Variants in LYRM4 observed in about 807,000 individuals in gnomAD.
The protein encoded by LYRM4 is LYR motif-containing protein 4.
LYRM4 carries 9 observed loss-of-function variants against 11.7 expected under a neutral mutation model. That is an observed-to-expected ratio of 0.77 (90% CI 0.46 to 1.34). The LOEUF (loss-of-function observed/expected upper bound fraction) is 1.34. Ranked by LOEUF, LYRM4 falls within the 40% of genes most tolerant of loss-of-function variation. LYRM4 has a pLI of 0.00. For missense variants in LYRM4, 133 were observed against 112.5 expected (o/e 1.18, Z -0.82); for synonymous variants, 42 against 40.4 (o/e 1.04, Z -0.15).
chr6:5,257,561 T>C (rs1764736969), intron 1 of LYRM4, among the ~76,000 whole-genome samples: 1 of 152,178 alleles, frequency 6.6e-6, no homozygotes, highest in Non-Finnish European at 1.5e-5. Context: ...CCGTGGCCTG[T>C]TAGGAACCGG....
the LYRM4 span, among the ~76,000 whole-genome samples, chr6:5,039,275 T>C: frequency 1.3e-5 from 2 of 152,228 alleles, no homozygotes; most frequent in African/African-American, 4.8e-5. Flanking sequence ...ATATGTAACA[T>C]GGCATTTACT....
intron 2 of LYRM4, among the ~76,000 whole-genome samples, chr6:5,159,274 A>G (rs557925469): frequency 1.5e-3 from 229 of 152,342 alleles, no homozygotes; most frequent in Non-Finnish European, 3.1e-3. Context: ...AGTAGAGGAC[A>G]GGGCCAGATT....
the LYRM4 span, among the ~76,000 whole-genome samples, chr6:5,082,079 G>A: frequency 6.6e-6 from 1 of 152,158 alleles, no homozygotes; most frequent in Non-Finnish European, 1.5e-5. Context: ...ATAAACTGGT[G>A]AACTCAAGCA....
At chr6:5,198,727 G>A (rs1761215344) in intron 2 of LYRM4, among the ~76,000 whole-genome samples, 1 of 152,182 alleles carries the variant, frequency 6.6e-6, no homozygotes, top group East Asian at 1.9e-4. Context: ...TTTAGATACA[G>A]AGGACTGGCC....
chr6:5,172,237 C>T lies in LYRM4; in HGVS notation c.207+44381G>A, dbSNP rs576306337. Among the ~76,000 whole-genome samples, 8 of 152,298 alleles carry T rather than the reference C, an allele frequency of 5.3e-5. No homozygotes were observed. In the South Asian group the frequency reaches 1.0e-3, roughly 20 times the overall value. ...AGGCAAGTGAGGATTTGCTGCACAC[C>T]GTGTGTTCCAACATGCTGGGAAAGC... On this transcript the variant is annotated intron_variant, in intron 2 of 2. Coordinates refer to ENST00000330636, the MANE Select transcript of LYRM4 (RefSeq NM_020408.6).
intron 2 of LYRM4, among the ~76,000 whole-genome samples, chr6:5,179,102 G>GAAAAAAAAAA (rs1759921654): frequency 7.0e-6 from 1 of 142,210 alleles, no homozygotes; most frequent in Non-Finnish European, 1.5e-5. Flanking sequence ...AAGAAAAGAG[G>GAAAAAAAAAA]AAACACCCCT....
chr6:5,136,483 G>C (rs1757104362), intron 2 of LYRM4: 3 of 953,754 alleles, frequency 3.1e-6, no homozygotes, highest in Non-Finnish European at 3.7e-6. Flanking sequence ...CGAAACCTTG[G>C]GTTTCACCTA....
the LYRM4 span, among the ~76,000 whole-genome samples, chr6:5,080,723 G>A: frequency 6.6e-6 from 1 of 152,162 alleles, no homozygotes; most frequent in Non-Finnish European, 1.5e-5. Context: ...TATGGAATCC[G>A]ACTACAGGGT....
chr6:5,153,628 C>T (rs1036267848), intron 2 of LYRM4, among the ~76,000 whole-genome samples: 3 of 152,216 alleles, frequency 2.0e-5, no homozygotes, highest in Admixed American at 2.0e-4. Context: ...CACACGGACA[C>T]TCTTGGAAAA....
rs1265537329 is a variant in LYRM4 at position 5,119,813 on chromosome 6, A to AAAC, written c.208-10323_208-10322insGTT. ...CCATAACAAAAAAAAAAAAAAAAAA[A>AAAC]AAAAAAACAACCACAAAAAAGGCCC... is the stretch of plus-strand genomic sequence containing the variant. On this transcript the variant is annotated intron_variant, in intron 2 of 2. Coordinates refer to ENST00000330636, the MANE Select transcript of LYRM4 (RefSeq NM_020408.6). Among the ~76,000 whole-genome samples, 24 of 151,476 alleles carry AAAC rather than the reference A, an allele frequency of 1.6e-4. 1 individual carries two copies. Among genetic ancestry groups the AAAC allele is most frequent in the African/African-American group, 5.3e-4 (22 of 41,340 alleles).
At chr6:5,136,223 C>T (rs1319408340) in intron 2 of LYRM4, 6 of 942,594 alleles carry the variant, frequency 6.4e-6, no homozygotes, top group Non-Finnish European at 7.6e-6. Flanking sequence ...TTTTGAGTCC[C>T]TGCTTTCAGT....
At chr6:5,040,340 GATAGATAGATAGATACATACATAC>G in the LYRM4 span, among the ~76,000 whole-genome samples, 17 of 142,274 alleles carry the variant, frequency 1.2e-4, no homozygotes, top group African/African-American at 4.2e-4. Context: ...TAGATAGATA[GATAGATAGATAGATACATACATAC>G]ATACATACAT....
chr6:5,118,952 A>T (rs1182147517), intron 2 of LYRM4, among the ~76,000 whole-genome samples: 1 of 152,242 alleles, frequency 6.6e-6, no homozygotes, highest in Non-Finnish European at 1.5e-5. Context: ...CCACCATTTT[A>T]TGCAACAGAG....
At chr6:5,078,577 A>C in the LYRM4 span, among the ~76,000 whole-genome samples, 1 of 152,196 alleles carries the variant, frequency 6.6e-6, no homozygotes, top group African/African-American at 2.4e-5. Context: ...GGTTAAACAC[A>C]TTATTTAAAT....
At chr6:5,251,723 C>A (rs1008152609) in intron 1 of LYRM4, among the ~76,000 whole-genome samples, 1 of 152,194 alleles carries the variant, frequency 6.6e-6, no homozygotes, top group African/African-American at 2.4e-5. Flanking sequence ...TGGGTGGAGA[C>A]AACATCCAAA....
At chr6:5,136,183 A>G (rs1354502316) in intron 2 of LYRM4, 3 of 668,746 alleles carry the variant, frequency 4.5e-6, no homozygotes, top group Non-Finnish European at 3.7e-6. Flanking sequence ...TGTGAATAAT[A>G]CTGCTCTGAA....
the LYRM4 span, among the ~76,000 whole-genome samples, chr6:5,058,144 C>G: frequency 6.6e-6 from 1 of 152,128 alleles, no homozygotes; most frequent in Non-Finnish European, 1.5e-5. Flanking sequence ...CCCAGTGTCT[C>G]CTTCTTCGGG....
chr6:5,260,841 C>G lies in LYRM4; in HGVS notation c.-108G>C. ...AAACCACGAACGAAATAAAATGCTG[C>G]GGCTCGGCTTTGCCAGCGGGCCGGG... is the stretch of plus-strand genomic sequence containing the variant. On this transcript the variant is annotated 5_prime_UTR_variant, in exon 1 of 3. Coordinates refer to ENST00000330636, the MANE Select transcript of LYRM4 (RefSeq NM_020408.6). 1 of 1,505,728 alleles carries G rather than the reference C, an allele frequency of 6.6e-7. No homozygotes were observed. The highest frequency in any genetic ancestry group is 8.8e-7 in the Non-Finnish European group (1 of 1,133,204). The allele number at this position is 1,505,728 out of a possible 1,614,324, so 93.3% of individuals were successfully genotyped here.
intron 2 of LYRM4, among the ~76,000 whole-genome samples, chr6:5,165,699 C>T (rs1462148791): frequency 6.6e-6 from 1 of 152,072 alleles, no homozygotes; most frequent in African/African-American, 2.4e-5. Context: ...CATACCACCA[C>T]ACCCAGCAGA....
Sources: allele counts gnomAD v4.1 joint callset (sites outside exome capture counted in the v4.1 genomes callset), GRCh38; gene constraint gnomAD v4.1.1; transcripts MANE v1.5; gene names NCBI Gene and HGNC (gene_info 2026-07-23, HGNC 2026-07-21).